The following PIK3R1 variants were observed in gnomAD, a reference collection of about 807,000 sequenced individuals.
The protein encoded by PIK3R1 is phosphatidylinositol 3-kinase regulatory subunit alpha.
Under a neutral mutation model 98.0 loss-of-function variants are expected in PIK3R1, and 29 were observed. The ratio of observed to expected loss-of-function variants is 0.30; its 90% CI spans 0.22 to 0.40. The LOEUF is 0.40. Ranked by LOEUF, PIK3R1 falls within the 10% of genes least tolerant of loss-of-function variation. The pLI, the probability that PIK3R1 is intolerant of heterozygous loss-of-function variation, is 1.00. For synonymous variants in PIK3R1, 282 were observed against 311.8 expected (o/e 0.90, Z 1.01); for missense variants, 596 against 872.7 (o/e 0.68, Z 3.99).
At chr5:68,279,309 G>A (rs1746718152) in intron 4 of PIK3R1, among the ~76,000 whole-genome samples, 1 of 152,066 alleles carries the variant, frequency 6.6e-6, no homozygotes, top group Non-Finnish European at 1.5e-5. Context: ...ATTTTTTGTT[G>A]CCCCAAAGTG....
intron 2 of PIK3R1, among the ~76,000 whole-genome samples, chr5:68,245,292 AAGAATTT>A (rs1416288054): frequency 2.6e-5 from 4 of 152,222 alleles, no homozygotes; most frequent in Non-Finnish European, 4.4e-5. Flanking sequence ...TGGAAAGTTT[AAGAATTT>A]AGACAAATAT....
At chr5:68,263,849 TC>T (rs1746008448) in intron 2 of PIK3R1, among the ~76,000 whole-genome samples, 1 of 152,202 alleles carries the variant, frequency 6.6e-6, no homozygotes, top group Admixed American at 6.5e-5. Context: ...CACACACAGG[TC>T]ATTGCTTTCC....
intron 7 of PIK3R1, among the ~76,000 whole-genome samples, chr5:68,284,396 G>A (rs143225865): frequency 6.6e-6 from 1 of 152,320 alleles, no homozygotes; most frequent in Non-Finnish European, 1.5e-5. Flanking sequence ...CCTGATGTGG[G>A]TACATTGCTT....
At chr5:68,241,721 A>C (rs1026788013) in intron 2 of PIK3R1, among the ~76,000 whole-genome samples, 1 of 152,248 alleles carries the variant, frequency 6.6e-6, no homozygotes, top group Non-Finnish European at 1.5e-5. Flanking sequence ...CTCTCACTTC[A>C]GGATGGGTGC....
At chr5:68,218,658 G>T (rs1378636523) in intron 1 of PIK3R1, among the ~76,000 whole-genome samples, 2 of 152,134 alleles carry the variant, frequency 1.3e-5, no homozygotes, top group Non-Finnish European at 2.9e-5. Flanking sequence ...TAATGTTTGT[G>T]TTGGGTTTTG....
At chr5:68,232,057 A>G (rs40056) in intron 2 of PIK3R1, among the ~76,000 whole-genome samples, 152 of 152,350 alleles carry the variant, frequency 1.0e-3, no homozygotes, top group Non-Finnish European at 1.8e-3. Flanking sequence ...GTGTTTCAGT[A>G]GGAAATGAAA....
intron 10 of PIK3R1, 100 bp downstream of exon 10, chr5:68,293,583 C>T: frequency 8.3e-7 from 1 of 1,207,268 alleles, no homozygotes. Context: ...GTAATCAAGT[C>T]TAAAAAACTT....
intron 8 of PIK3R1, 25 bp downstream of exon 8, chr5:68,292,386 C>A: frequency 1.3e-6 from 2 of 1,557,358 alleles, no homozygotes; most frequent in Non-Finnish European, 1.8e-6. Flanking sequence ...ACTTCATTTT[C>A]AGAGAGTTTT....
intron 1 of PIK3R1, among the ~76,000 whole-genome samples, chr5:68,217,968 G>A (rs1435318171): frequency 6.6e-6 from 1 of 152,110 alleles, no homozygotes; most frequent in Non-Finnish European, 1.5e-5. Context: ...ACTCTGCAGT[G>A]TACACACTGC....
intron 7 of PIK3R1, among the ~76,000 whole-genome samples, chr5:68,286,605 T>A (rs989154671): frequency 6.6e-6 from 1 of 152,230 alleles, no homozygotes; most frequent in Non-Finnish European, 1.5e-5. Context: ...ACTTTCCTAA[T>A]ATAATAGGAC....
rs142439210 is a variant in PIK3R1, at chr5:68,292,303, G to A, written c.961G>A (p.Gly321Ser). Residue 321 changes from glycine (G) to serine (S), a missense_variant, in exon 8 of 16, where the codon GGT becomes AGT. Physicochemically the swap from Gly to Ser is moderately conservative, Grantham distance 56 (BLOSUM62 0). Coordinates refer to ENST00000521381, the MANE Select transcript of PIK3R1 (RefSeq NM_181523.3). ...AAAACCTACTACTGTAGCCAACAAC[G>A]GTATGAATAACAATATGTCCTTACA... ...PPKPTTVANN[G>S]MNNNMSLQDA... is the part of the protein sequence containing the mutation. The A allele has an allele frequency of 5.0e-5, 81 of 1,613,394 alleles. No homozygotes were observed. The highest frequency in any genetic ancestry group is 6.4e-5 in the Non-Finnish European group (75 of 1,179,586).
Position 68,293,476 on chromosome 5 carries a change from AC to A in PIK3R1, c.1294del (p.Gln432AsnfsTer14), listed in dbSNP as rs746999127. The A allele has an allele frequency of 6.2e-7, 1 of 1,603,242 alleles. No individual in the cohort carries two copies. Among genetic ancestry groups the A allele is most frequent in the South Asian group, 1.1e-5 (1 of 90,328 alleles). ...DVKLLYPVSK[Y>X]QQDQVVKEDN... is the part of the protein sequence containing the mutation. ...AAATTACTTTATCCAGTATCCAAAT[AC>A]CAACAGGTAATAAAAACTGAATGAA... On this transcript the variant is annotated frameshift_variant, in exon 10 of 16. Transcript: ENST00000521381. LOFTEE classifies it high-confidence loss of function.
chr5:68,232,241 C>G lies in PIK3R1; in HGVS notation c.334+5232C>G, dbSNP rs148247377. On this transcript the variant is annotated intron_variant, in intron 2 of 15. Transcript: ENST00000521381. ...ACCCTCTCATGAGCATTTATATTCT[C>G]AATACATTCTTGATTTTTTAAAAAC... Among the ~76,000 whole-genome samples the G allele has an allele frequency of 3.5e-3, 529 of 152,274 alleles. 1 individual carries two copies. Among genetic ancestry groups the G allele is most frequent in the African/African-American group, 0.012 (504 of 41,566 alleles).
At chr5:68,254,113 A>G (rs781627436) in intron 2 of PIK3R1, among the ~76,000 whole-genome samples, 4 of 151,982 alleles carry the variant, frequency 2.6e-5, no homozygotes, top group Non-Finnish European at 4.4e-5. Context: ...AAATCAGTTG[A>G]CCAGTCAGTG....
chr5:68,233,311 G>C (rs942685919), intron 2 of PIK3R1, among the ~76,000 whole-genome samples: 11 of 152,240 alleles, frequency 7.2e-5, no homozygotes, highest in South Asian at 4.1e-4. Flanking sequence ...TGTAGCACTG[G>C]TCTGAAGTCT....
intron 2 of PIK3R1, among the ~76,000 whole-genome samples, chr5:68,252,790 G>T (rs1356671316): frequency 1.3e-5 from 2 of 152,156 alleles, no homozygotes; most frequent in African/African-American, 2.4e-5. Context: ...AACATGTAGG[G>T]CAGATATTGA....
intron 2 of PIK3R1, among the ~76,000 whole-genome samples, chr5:68,264,088 A>G (rs1447827188): frequency 6.6e-6 from 1 of 152,226 alleles, no homozygotes; most frequent in Non-Finnish European, 1.5e-5. Context: ...GATAAAACCC[A>G]TTACATCCTT....
chr5:68,301,525 A>C lies in PIK3R1; in HGVS notation c.*3924A>C, dbSNP rs78046963. 1,595 of 150,530 alleles carry C rather than the reference A, an allele frequency of 0.011. 83 individuals are homozygous for C. The highest frequency in any genetic ancestry group is 0.075 in the Admixed American group (1,078 of 14,418). 9.3% of individuals were successfully genotyped at this position (150,530 alleles called of 1,614,324 possible). A position where few individuals can be genotyped will look rare whatever the true frequency, so the allele number is the denominator to read the frequency against. ...ATATATATGTATTTAAAAAAATCAA[A>C]ACAAAAAAAAACTCATTTATACCTG... On this transcript the variant is annotated 3_prime_UTR_variant, in exon 16 of 16. Transcript: ENST00000521381.
intron 7 of PIK3R1, chr5:68,288,701 G>C: frequency 6.2e-7 from 1 of 1,606,082 alleles, no homozygotes; most frequent in Non-Finnish European, 8.5e-7. Flanking sequence ...TTTTTTCATT[G>C]TCGGATACAG....
Sources: gnomAD v4.1 joint callset for allele counts (sites outside exome capture counted in the v4.1 genomes callset) on GRCh38, gnomAD v4.1.1 for gene constraint, MANE v1.5 for transcripts, NCBI Gene and HGNC (gene_info 2026-07-23, HGNC 2026-07-21) for gene names.